ADAP1: variants seen among roughly 807,000 people sequenced by gnomAD.
ADAP1 encodes the protein arf-GAP with dual PH domain-containing protein 1.
A neutral mutation model predicts 54.9 loss-of-function variants in ADAP1; 31 were observed. That is an observed-to-expected ratio of 0.56 (90% CI 0.42 to 0.76). ADAP1 has a LOEUF of 0.76. Among genes scored for constraint, ADAP1 ranks in the 30% least tolerant of loss-of-function variants. ADAP1 has a pLI of 0.00. For synonymous variants in ADAP1, 313 were observed against 202.6 expected, an observed-to-expected ratio of 1.55 and a Z score of -4.63; for missense variants, 535 against 512.4, an observed-to-expected ratio of 1.04 and a Z score of -0.42.
intron 6 of ADAP1, 108 bp downstream of exon 6, chr7:904,017 TC>T: frequency 6.9e-7 from 1 of 1,440,808 alleles, no homozygotes; most frequent in Non-Finnish European, 9.3e-7. Context: ...GCCGCCTAGC[TC>T]AAGTGCCTAC....
intron 4 of ADAP1, among the ~76,000 whole-genome samples, chr7:914,468 G>A (rs1466132829): frequency 6.6e-6 from 1 of 152,174 alleles, no homozygotes; most frequent in South Asian, 2.1e-4. Context: ...ACTGGCGCTG[G>A]AGCCCTGTGG....
chr7:936,840 A>G (rs979506342), intron 1 of ADAP1, among the ~76,000 whole-genome samples: 5 of 152,162 alleles, frequency 3.3e-5, no homozygotes, highest in Non-Finnish European at 5.9e-5. Flanking sequence ...TCATGAGTGG[A>G]GAGGACCCCA....
chr7:936,034 G>A (rs1480662383), intron 1 of ADAP1, among the ~76,000 whole-genome samples: 2 of 152,220 alleles, frequency 1.3e-5, no homozygotes, highest in Non-Finnish European at 2.9e-5. Flanking sequence ...CCTGCGTGGG[G>A]TGACAGCGCC....
At chr7:929,771 T>G (rs141654962) in intron 2 of ADAP1, among the ~76,000 whole-genome samples, 38 of 151,968 alleles carry the variant, frequency 2.5e-4, no homozygotes, top group Middle Eastern at 3.4e-3. Flanking sequence ...CGGGAGTGAA[T>G]TGTATGTGGA....
chr7:931,634 T>G (rs1212917820), intron 2 of ADAP1, among the ~76,000 whole-genome samples: 1 of 152,144 alleles, frequency 6.6e-6, no homozygotes, highest in Non-Finnish European at 1.5e-5. Flanking sequence ...TAATATTGGC[T>G]TCAGCGAAGG....
At chr7:901,615 A>T (rs1844818289) in intron 6 of ADAP1, among the ~76,000 whole-genome samples, 1 of 151,796 alleles carries the variant, frequency 6.6e-6, no homozygotes, top group Admixed American at 6.6e-5. Flanking sequence ...GTCCTCTTCC[A>T]GTGGCCCCAC....
At chr7:905,369 A>AGCAGAAAGTGAAAG in intron 4 of ADAP1, 197 bp from the exon 5 acceptor site, 1 of 131,570 alleles carries the variant, frequency 7.6e-6, no homozygotes, top group African/African-American at 1.6e-4. Flanking sequence ...GGAAAGGGAA[A>AGCAGAAAGTGAAAG]GGGAAAGGAG....
At chr7:905,023 G>A in intron 5 of ADAP1, 37 bp downstream of exon 5, 5 of 1,579,754 alleles carry the variant, frequency 3.2e-6, no homozygotes, top group Admixed American at 1.7e-5. Context: ...ATGCCGCCCT[G>A]GGACAGGCCC....
chr7:916,235 G>A (rs1845929190), intron 4 of ADAP1, among the ~76,000 whole-genome samples: 1 of 152,204 alleles, frequency 6.6e-6, no homozygotes, highest in Non-Finnish European at 1.5e-5. Context: ...GTGGCCACCA[G>A]GAGGATTGGT....
chr7:905,574 A>AGAAGGG lies in ADAP1; in HGVS notation c.389-403_389-402insCCCTTC, dbSNP rs1845172284. 4 of 21,948 alleles carry AGAAGGG rather than the reference A, an allele frequency of 1.8e-4. No individual in the cohort carries two copies. In the Admixed American group the frequency reaches 2.0e-3, roughly 11 times the overall value. 1.4% of individuals were successfully genotyped at this position (21,948 alleles called of 1,614,324 possible). A position where few individuals can be genotyped will look rare whatever the true frequency, so the allele number is the denominator to read the frequency against. ...AGGGAGAAAGGAGAAAGGAGAAAGG[A>AGAAGGG]GAAAGGAGAAAGGAGAAAGGAGAAA... is the stretch of plus-strand genomic sequence containing the variant. On this transcript the variant is annotated intron_variant, in intron 4 of 10. Coordinates refer to ENST00000265846, the MANE Select transcript of ADAP1 (RefSeq NM_006869.4).
intron 2 of ADAP1, chr7:927,533 C>G: frequency 6.4e-6 from 3 of 469,750 alleles, no homozygotes; most frequent in South Asian, 3.1e-5. Flanking sequence ...AGACTGAAGT[C>G]CCCTGACATC....
At chr7:930,971 CTG>C (rs2128107732) in intron 2 of ADAP1, among the ~76,000 whole-genome samples, 1 of 121,538 alleles carries the variant, frequency 8.2e-6, no homozygotes, top group South Asian at 2.8e-4. Context: ...CAGAGTCAGA[CTG>C]TGTCTCAAAA....
intron 2 of ADAP1, among the ~76,000 whole-genome samples, chr7:927,787 C>A (rs1164901576): frequency 6.6e-6 from 1 of 152,118 alleles, no homozygotes; most frequent in Non-Finnish European, 1.5e-5. Flanking sequence ...AGGACGAGAG[C>A]CTCGACCCGA....
chr7:907,853 G>A (rs1845538702), intron 4 of ADAP1, among the ~76,000 whole-genome samples: 1 of 152,114 alleles, frequency 6.6e-6, no homozygotes, highest in African/African-American at 2.4e-5. Flanking sequence ...GGGGCCGTCT[G>A]CCAAGCATCC....
chr7:921,392 G>C (rs1055653649), intron 3 of ADAP1, among the ~76,000 whole-genome samples: 1 of 152,262 alleles, frequency 6.6e-6, no homozygotes, highest in Admixed American at 6.5e-5. Context: ...TGCGATCACA[G>C]CTCAACGCAG....
chr7:913,832 T>G (rs146872258), intron 4 of ADAP1, among the ~76,000 whole-genome samples: 2,130 of 152,204 alleles, frequency 0.014, 44 homozygotes, highest in African/African-American at 0.048. Flanking sequence ...CTACTCAGGA[T>G]GCTGAGGCAG....
chr7:905,827 AG>A (rs1845234932), intron 4 of ADAP1, among the ~76,000 whole-genome samples: 1 of 42,270 alleles, frequency 2.4e-5, no homozygotes, highest in Non-Finnish European at 6.1e-5. Context: ...GGGAGAAGGG[AG>A]AAGGGAGAAG....
chr7:935,723 G>A (rs1254246756), intron 1 of ADAP1, among the ~76,000 whole-genome samples: 4 of 149,084 alleles, frequency 2.7e-5, no homozygotes, highest in Non-Finnish European at 5.9e-5. Context: ...GACACCCCAC[G>A]GCATCTGAGG....
chr7:926,783 G>T lies in ADAP1; in HGVS notation c.214-139C>A. On this transcript the variant is annotated intron_variant, in intron 2 of 10. Coordinates refer to ENST00000265846, the MANE Select transcript of ADAP1 (RefSeq NM_006869.4). This position sits in a 1 kb window ranked among gnomAD's most constrained non-coding sequence, Gnocchi z 4.6. ...GCTCCACCAGCACCAGGACGGGAAC[G>T]CCACCTCCTCCTGCCCCAGGGACAC... 1 of 743,624 alleles carries T rather than the reference G, an allele frequency of 1.3e-6. No individual in the cohort carries two copies. Among genetic ancestry groups the T allele is most frequent in the Non-Finnish European group, 2.1e-6 (1 of 481,228 alleles). The allele number at this position is 743,624 out of a possible 1,614,324, so 46.1% of individuals were successfully genotyped here. A position where few individuals can be genotyped will look rare whatever the true frequency, so the allele number is the denominator to read the frequency against.
Sources: gnomAD v4.1 joint callset for allele counts (sites outside exome capture counted in the v4.1 genomes callset) on GRCh38, gnomAD v4.1.1 for gene constraint, Gnocchi (gnomAD v3.1) non-coding constraint, MANE v1.5 for transcripts, NCBI Gene and HGNC (gene_info 2026-07-23, HGNC 2026-07-21) for gene names.